Variants in PCDHGB1 observed in about 807,000 individuals in gnomAD.
The protein encoded by PCDHGB1 is protocadherin gamma subfamily B, 1, also known as protocadherin gamma-B1.
PCDHGB1 carries 34 observed loss-of-function variants against 56.6 expected under a neutral mutation model. That is an observed-to-expected ratio of 0.60 (90% confidence interval 0.46 to 0.80). PCDHGB1 has a LOEUF of 0.80. PCDHGB1 is among the 30% of genes least tolerant of loss of function. The pLI is 0.00. For synonymous variants in PCDHGB1, 561 were observed against 505.9 expected, an observed-to-expected ratio of 1.11 and a Z score of -1.46; for missense variants, 1,278 against 1,204.6, an observed-to-expected ratio of 1.06 and a Z score of -0.90.
chr5:141,355,170 G>A (rs200043254), intron 1 of PCDHGB1: 9 of 1,569,662 alleles, frequency 5.7e-6, no homozygotes, highest in Non-Finnish European at 2.6e-6. Flanking sequence ...AGGGAAAACC[G>A]AAGCACAGGC....
intron 1 of PCDHGB1, among the ~76,000 whole-genome samples, chr5:141,379,797 G>C (rs1775829191): frequency 6.6e-6 from 1 of 150,836 alleles, no homozygotes; most frequent in African/African-American, 2.4e-5. Flanking sequence ...GGCTATCTGA[G>C]GTTTTGAGAG....
chr5:141,383,562 C>T (rs1371686723), intron 1 of PCDHGB1: 2 of 1,613,098 alleles, frequency 1.2e-6, no homozygotes, highest in Non-Finnish European at 1.7e-6. Context: ...GCGACCCGCC[C>T]CGATCCAGCA....
chr5:141,451,428 G>T (rs552096051), intron 1 of PCDHGB1, among the ~76,000 whole-genome samples: 17 of 152,166 alleles, frequency 1.1e-4, no homozygotes, highest in Non-Finnish European at 2.1e-4. Context: ...TTAGACTAAG[G>T]GTTCCAGTTC....
intron 2 of PCDHGB1, among the ~76,000 whole-genome samples, chr5:141,499,214 C>T (rs1228581603): frequency 6.6e-6 from 1 of 152,074 alleles, no homozygotes; most frequent in Non-Finnish European, 1.5e-5. Flanking sequence ...TAACCCAGGC[C>T]CTGCCCTGCA....
At chr5:141,399,291 T>A in intron 1 of PCDHGB1, 1 of 1,613,954 alleles carries the variant, frequency 6.2e-7, no homozygotes, top group East Asian at 2.2e-5. Context: ...AAGTCCCTTT[T>A]AAGATTATCT....
At chr5:141,429,039 A>G (rs565483195) in intron 1 of PCDHGB1, 1 of 152,202 alleles carries the variant, frequency 6.6e-6, no homozygotes, top group East Asian at 1.9e-4. Flanking sequence ...CATTTTTAGT[A>G]CAGACGGGGT....
intron 3 of PCDHGB1, among the ~76,000 whole-genome samples, chr5:141,506,904 C>T (rs55892286): frequency 0.2 from 30,589 of 152,050 alleles, 3,131 homozygotes; most frequent in Middle Eastern, 0.24. Flanking sequence ...ACTGTCATCA[C>T]ACCTGGGCAC....
chr5:141,371,500 T>C, intron 1 of PCDHGB1: 5 of 1,613,872 alleles, frequency 3.1e-6, no homozygotes, highest in South Asian at 1.1e-5. Context: ...GTTGCCCTGA[T>C]CAAAACACAT....
rs151119016 is a variant in PCDHGB1, at chr5:141,489,949, G to C, written c.2410-4858G>C. On this transcript the variant is annotated intron_variant, in intron 1 of 3. Transcript: ENST00000523390. The surrounding 1 kb of genome is among the most constrained non-coding windows in gnomAD (Gnocchi z 4.5). ...CTCTGTCATCGTGCTGGACATCAAT[G>C]ATAATGCTCCAACCTTCCAATCCTC... is the stretch of plus-strand genomic sequence containing the variant. 1 of 1,614,198 alleles carries C rather than the reference G, an allele frequency of 6.2e-7. No individual in the cohort carries two copies. Among genetic ancestry groups the C allele is most frequent in the Non-Finnish European group, 8.5e-7 (1 of 1,180,028 alleles).
At position 141,431,335 on chromosome 5, in the gene PCDHGB1, C is replaced by A. The variant is rs747132346; in HGVS notation, c.2410-63472C>A. On this transcript the variant is annotated intron_variant, in intron 1 of 3. Transcript: ENST00000523390. This position sits in a 1 kb window ranked among gnomAD's most constrained non-coding sequence, Gnocchi z 4.8. ...ATGGAGCCGACGGTAGTAAGTACCCCGAATTGGTGCTGAAACGCGCCCTGG... is the reference window on the plus strand; with the variant it reads ...ATGGAGCCGACGGTAGTAAGTACCCAGAATTGGTGCTGAAACGCGCCCTGG... 11 of 1,613,944 alleles carry A rather than the reference C, an allele frequency of 6.8e-6. No homozygotes were observed. The Admixed American group carries it at 1.5e-4, about 22-fold the overall frequency.
chr5:141,360,398 A>T, intron 1 of PCDHGB1: 1 of 1,613,926 alleles, frequency 6.2e-7, no homozygotes, highest in Non-Finnish European at 8.5e-7. Context: ...CTTGTGAGTG[A>T]CAGAATAGAC....
intron 1 of PCDHGB1, chr5:141,361,493 AAC>A: frequency 6.2e-7 from 1 of 1,614,036 alleles, no homozygotes; most frequent in Non-Finnish European, 8.5e-7. Flanking sequence ...CCAGTTTTCC[AAC>A]AGACTTCCTA....
At chr5:141,433,640 A>C (rs2097637476) in intron 1 of PCDHGB1, among the ~76,000 whole-genome samples, 2 of 152,138 alleles carry the variant, frequency 1.3e-5, no homozygotes, top group South Asian at 2.1e-4. Flanking sequence ...GTTTGAGACC[A>C]GCCTGACCAA....
chr5:141,374,459 A>G (rs764751595), intron 1 of PCDHGB1: 2 of 1,613,448 alleles, frequency 1.2e-6, no homozygotes, highest in Non-Finnish European at 1.7e-6. Context: ...AATAGTGGAC[A>G]TTAATGACAA....
chr5:141,443,436 T>A (rs1435598893), intron 1 of PCDHGB1, among the ~76,000 whole-genome samples: 1 of 152,132 alleles, frequency 6.6e-6, no homozygotes, highest in Admixed American at 6.6e-5. Context: ...CAGTGAGCTG[T>A]GGTTGCGCTC....
chr5:141,413,188 A>C, intron 1 of PCDHGB1: 4 of 1,606,680 alleles, frequency 2.5e-6, no homozygotes, highest in Non-Finnish European at 3.4e-6. Flanking sequence ...GGCCGCTCAA[A>C]GGAATCGCTC....
intron 1 of PCDHGB1, chr5:141,361,117 G>A: frequency 6.2e-7 from 1 of 1,614,002 alleles, no homozygotes. Context: ...TGGAGATCTA[G>A]CAGCCCACTG....
intron 1 of PCDHGB1, chr5:141,356,387 A>G: frequency 5.7e-6 from 9 of 1,572,378 alleles, no homozygotes; most frequent in Admixed American, 1.9e-5. Flanking sequence ...ACACTTGAAA[A>G]GACCTATGGA....
At chr5:141,366,386 G>A (rs1368197545) in intron 1 of PCDHGB1, 4 of 1,614,164 alleles carry the variant, frequency 2.5e-6, no homozygotes, top group Non-Finnish European at 3.4e-6. Context: ...TGACCCTGAG[G>A]ATCTGGACCT....
Sources: allele counts gnomAD v4.1 joint callset (sites outside exome capture counted in the v4.1 genomes callset), GRCh38; gene constraint gnomAD v4.1.1; non-coding constraint Gnocchi (gnomAD v3.1); transcripts MANE v1.5; gene names NCBI Gene and HGNC (gene_info 2026-07-23, HGNC 2026-07-21).